NDC1: variants seen among roughly 807,000 people sequenced by gnomAD.
NDC1 encodes the protein NDC1 transmembrane nucleoporin, also known as nucleoporin NDC1.
In NDC1, 24 loss-of-function variants were observed where a neutral mutation model predicts 89.8. That is an observed-to-expected ratio of 0.27 (90% CI 0.19 to 0.38). The LOEUF (loss-of-function observed/expected upper bound fraction) is 0.38, where lower values mean the gene tolerates loss of function less well. NDC1 is among the 10% of genes least tolerant of loss of function. The pLI, the probability that NDC1 is intolerant of heterozygous loss-of-function variation, is 1.00. For missense variants in NDC1, 728 were observed against 797.6 expected (o/e 0.91, Z 1.05); for synonymous variants, 296 against 284.8 (o/e 1.04, Z -0.39).
chr1:53,801,100 A>C lies in NDC1; in HGVS notation c.1067-252T>G, dbSNP rs187254332. ...TACCACACACATACCAAAAAAAAAA[A>C]AAAACAAAAAACCTCTCAAATTGGT... On this transcript the variant is annotated intron_variant, in intron 10 of 17. Coordinates refer to ENST00000371429, the MANE Select transcript of NDC1 (RefSeq NM_018087.5). Among the ~76,000 whole-genome samples, 849 of 152,118 alleles carry C rather than the reference A, an allele frequency of 5.6e-3. 10 individuals carry two copies. The highest frequency in any genetic ancestry group is 0.019 in the African/African-American group (788 of 41,446).
At position 53,835,565 on chromosome 1, in the gene NDC1, A is replaced by T. The variant is rs147722125; in HGVS notation, c.113T>A (p.Ile38Asn). ...GAAAATTATAAATACTGTGGTGCAG[A>T]TGGGTAGAAATAGCACTGACCAAAC... is the stretch of plus-strand genomic sequence containing the variant. ...SIVWSVLFLPICTTVFIIFSR... is the reference protein window; with the variant it reads ...SIVWSVLFLPNCTTVFIIFSR... The change falls in exon 2 of 18, where the codon ATC (isoleucine) becomes AAC (asparagine). Residue 38 changes from isoleucine to asparagine, a missense_variant. By Grantham distance (149) the Ile-to-Asn change is moderately radical. Transcript: ENST00000371429. 134 of 1,613,132 alleles carry T rather than the reference A, an allele frequency of 8.3e-5. 2 individuals carry two copies. In the African/African-American group the frequency reaches 1.6e-3, roughly 19 times the overall value.
chr1:53,777,327 T>C (rs538072465), intron 16 of NDC1, among the ~76,000 whole-genome samples: 3 of 152,320 alleles, frequency 2.0e-5, no homozygotes, highest in African/African-American at 7.2e-5. Context: ...TCCAACCTTG[T>C]TGAATTTTTT....
chr1:53,790,256 T>G (rs1454290363), intron 14 of NDC1, among the ~76,000 whole-genome samples: 2 of 151,550 alleles, frequency 1.3e-5, no homozygotes, highest in African/African-American at 4.9e-5. Flanking sequence ...TCCCAGCTAC[T>G]TGGGAGGCTG....
chr1:53,807,633 A>C, intron 8 of NDC1, 23 bp downstream of exon 8: 4 of 1,585,880 alleles, frequency 2.5e-6, no homozygotes, highest in Non-Finnish European at 3.4e-6. Flanking sequence ...AAGTATTAAG[A>C]AAAAATATTT....
intron 3 of NDC1, among the ~76,000 whole-genome samples, chr1:53,829,646 T>A (rs371330734): frequency 1.3e-5 from 2 of 152,186 alleles, no homozygotes; most frequent in East Asian, 1.9e-4. Flanking sequence ...ATATAGTAAA[T>A]GCATAAGGGA....
At chr1:53,773,234 A>T (rs1210813729) in intron 16 of NDC1, among the ~76,000 whole-genome samples, 1 of 152,204 alleles carries the variant, frequency 6.6e-6, no homozygotes, top group Non-Finnish European at 1.5e-5. Flanking sequence ...TAAACTGACA[A>T]GATACAACAG....
At chr1:53,809,078 T>C (rs1473543967) in intron 7 of NDC1, among the ~76,000 whole-genome samples, 3 of 152,230 alleles carry the variant, frequency 2.0e-5, no homozygotes, top group African/African-American at 7.2e-5. Context: ...CTGCCACTTG[T>C]GACCTTCAAC....
intron 6 of NDC1, among the ~76,000 whole-genome samples, chr1:53,818,027 A>C (rs989370959): frequency 1.8e-4 from 27 of 152,190 alleles, no homozygotes; most frequent in African/African-American, 6.5e-4. Flanking sequence ...TACAAATTAT[A>C]AAAAGGAGGA....
chr1:53,830,534 G>C (rs1312027819), intron 3 of NDC1, among the ~76,000 whole-genome samples: 1 of 152,154 alleles, frequency 6.6e-6, no homozygotes, highest in Non-Finnish European at 1.5e-5. Flanking sequence ...TTTTACGCCA[G>C]ATTTTACAAG....
chr1:53,787,216 A>C lies in NDC1; in HGVS notation c.1742T>G (p.Phe581Cys), dbSNP rs1354131056. 1.9e-6 allele frequency: 3 copies of C among 1,611,246 alleles called. No individual in the cohort carries two copies. The highest frequency in any genetic ancestry group is 2.2e-5 in the East Asian group (1 of 44,866). ...LVAASFTEDR[F>C]GVVQTTLPAI... The stretch of plus-strand genomic sequence containing the variant: ...TGGTAGTGTCGTCTGGACAACTCCA[A>C]ATCTATCCTCTGTAAATGATGCTGC... Residue 581 changes from phenylalanine to cysteine, a missense_variant, in exon 16 of 18, where the codon TTT becomes TGT. Transcript: ENST00000371429.
intron 1 of NDC1, among the ~76,000 whole-genome samples, chr1:53,836,644 C>T (rs1649243592): frequency 6.6e-6 from 1 of 151,836 alleles, no homozygotes; most frequent in South Asian, 2.1e-4. Flanking sequence ...TACAGGTGCC[C>T]GCCACCACAC....
intron 5 of NDC1, 41 bp downstream of exon 5, chr1:53,825,757 C>A: frequency 4.5e-6 from 7 of 1,539,146 alleles, no homozygotes; most frequent in Non-Finnish European, 6.1e-6. Flanking sequence ...AATTTTACCT[C>A]AGCCAAATTT....
intron 17 of NDC1, chr1:53,771,092 C>T (rs745702835): frequency 3.3e-5 from 6 of 179,862 alleles, no homozygotes; most frequent in Non-Finnish European, 7.3e-5. Context: ...AAATTAATCT[C>T]GAATACAATG....
At chr1:53,828,753 C>T (rs1055884622) in intron 3 of NDC1, among the ~76,000 whole-genome samples, 27 of 151,548 alleles carry the variant, frequency 1.8e-4, no homozygotes, top group Admixed American at 1.6e-3. Flanking sequence ...CTGGGATTAC[C>T]GGTGCCTGCC....
intron 5 of NDC1, among the ~76,000 whole-genome samples, chr1:53,819,601 T>C (rs945370928): frequency 1.3e-5 from 2 of 152,250 alleles, no homozygotes; most frequent in African/African-American, 2.4e-5. Context: ...GCAGGCTGGC[T>C]TCAGAGCCTC....
chr1:53,802,865 T>C (rs1238051184), intron 10 of NDC1, among the ~76,000 whole-genome samples: 1 of 152,106 alleles, frequency 6.6e-6, no homozygotes, highest in East Asian at 1.9e-4. Context: ...TGAATCTAGT[T>C]TCTTCCTAAT....
chr1:53,814,171 G>A (rs1212226960), intron 6 of NDC1, among the ~76,000 whole-genome samples: 1 of 152,090 alleles, frequency 6.6e-6, no homozygotes, highest in Non-Finnish European at 1.5e-5. Context: ...GGCCAACACT[G>A]TGAAACCCCG....
chr1:53,769,560 T>C (rs1233675837), intron 17 of NDC1, among the ~76,000 whole-genome samples: 1 of 152,178 alleles, frequency 6.6e-6, no homozygotes, highest in East Asian at 1.9e-4. Flanking sequence ...AATAAGTAAA[T>C]AGTGTTGAAT....
At chr1:53,795,688 C>A (rs533160578) in intron 13 of NDC1, among the ~76,000 whole-genome samples, 2 of 152,306 alleles carry the variant, frequency 1.3e-5, no homozygotes, top group Admixed American at 1.3e-4. Flanking sequence ...CAGCCCCCAC[C>A]ACTACCACTC....
Sources: allele counts gnomAD v4.1 joint callset (sites outside exome capture counted in the v4.1 genomes callset), GRCh38; gene constraint gnomAD v4.1.1; transcripts MANE v1.5; gene names NCBI Gene and HGNC (gene_info 2026-07-23, HGNC 2026-07-21).